The following MTHFD1L variants were observed in gnomAD, a reference collection of about 807,000 sequenced individuals.
MTHFD1L encodes monofunctional C1-tetrahydrofolate synthase, mitochondrial.
Under a neutral mutation model 119.5 loss-of-function variants are expected in MTHFD1L, and 81 were observed. That is an observed-to-expected ratio of 0.68 (90% CI 0.57 to 0.82). The LOEUF is 0.82. MTHFD1L is among the 40% of genes least tolerant of loss of function. MTHFD1L has a pLI of 0.00. For missense variants in MTHFD1L, 1,125 were observed against 1,253.4 expected (o/e 0.90, Z 1.55); for synonymous variants, 430 against 475.2 (o/e 0.90, Z 1.24).
intron 7 of MTHFD1L, among the ~76,000 whole-genome samples, chr6:150,889,550 AGT>A (rs1426044670): frequency 4.6e-5 from 7 of 152,364 alleles, no homozygotes; most frequent in Non-Finnish European, 7.3e-5. Context: ...GCCAATAATT[AGT>A]GTCTTATAAA....
Position 150,900,787 on chromosome 6 carries a change from G to A in MTHFD1L, c.781-4863G>A, listed in dbSNP as rs190812404. Among the ~76,000 whole-genome samples, 1,512 of 151,982 alleles carry A rather than the reference G, an allele frequency of 9.9e-3. 17 individuals are homozygous for A. The highest frequency in any genetic ancestry group is 0.016 in the Non-Finnish European group (1,070 of 67,924). On this transcript the variant is annotated intron_variant, in intron 7 of 27. Transcript: ENST00000367321. Reference sequence around the variant, plus strand: ...TCCCAGCTCTTTGGGAGGCTGAGGCGGGCAGATCACGAGGTCAGGAGATCG... The same window carrying A: ...TCCCAGCTCTTTGGGAGGCTGAGGCAGGCAGATCACGAGGTCAGGAGATCG...
At chr6:150,990,746 G>A (rs1479222093) in intron 20 of MTHFD1L, among the ~76,000 whole-genome samples, 1 of 152,218 alleles carries the variant, frequency 6.6e-6, no homozygotes, top group African/African-American at 2.4e-5. Context: ...ACAGGCATGA[G>A]CCACTGCACC....
intron 2 of MTHFD1L, 119 bp downstream of exon 2, chr6:150,876,293 G>T: frequency 1.2e-6 from 1 of 808,688 alleles, no homozygotes; most frequent in Non-Finnish European, 1.9e-6. Flanking sequence ...AGTTGGCAAT[G>T]CTGTTTTCTT....
At chr6:150,981,699 G>T (rs1777521659) in intron 20 of MTHFD1L, among the ~76,000 whole-genome samples, 1 of 152,152 alleles carries the variant, frequency 6.6e-6, no homozygotes, top group African/African-American at 2.4e-5. Context: ...AATGAGTCTG[G>T]CTGTGTTCCA....
chr6:151,004,340 A>T (rs1781084707), intron 20 of MTHFD1L, among the ~76,000 whole-genome samples: 1 of 152,178 alleles, frequency 6.6e-6, no homozygotes, highest in Non-Finnish European at 1.5e-5. Context: ...AAACAAAAAA[A>T]TCCAAGTCCT....
intron 1 of MTHFD1L, among the ~76,000 whole-genome samples, chr6:150,873,678 A>AT (rs552455378): frequency 1.5e-4 from 23 of 151,364 alleles, no homozygotes; most frequent in South Asian, 1.5e-3. Context: ...TGGAACTGTT[A>AT]TTTTTTTTGA....
At chr6:150,944,099 T>G (rs1793572301) in intron 13 of MTHFD1L, among the ~76,000 whole-genome samples, 1 of 152,220 alleles carries the variant, frequency 6.6e-6, no homozygotes, top group African/African-American at 2.4e-5. Context: ...TGACCTTGAT[T>G]TTCTGATTTA....
At chr6:150,927,404 T>A (rs1790195104) in intron 11 of MTHFD1L, among the ~76,000 whole-genome samples, 2 of 151,952 alleles carry the variant, frequency 1.3e-5, no homozygotes, top group Admixed American at 1.3e-4. Flanking sequence ...TATTGAGCTA[T>A]GTCACCATTT....
At chr6:151,008,984 T>A (rs1156912464) in intron 20 of MTHFD1L, among the ~76,000 whole-genome samples, 1 of 150,754 alleles carries the variant, frequency 6.6e-6, no homozygotes, top group Non-Finnish European at 1.5e-5. Context: ...TAGCCGGGTG[T>A]GGTGGTGGGT....
Position 151,014,943 on chromosome 6 carries a change from T to C in MTHFD1L, c.2371T>C (p.Phe791Leu), listed in dbSNP as rs1363341710. The C allele has an allele frequency of 6.2e-7, 1 of 1,614,124 alleles. No individual in the cohort carries two copies. The highest frequency in any genetic ancestry group is 1.1e-5 in the South Asian group (1 of 91,082). Residue 791 changes from phenylalanine (F) to leucine (L), a missense_variant, in exon 23 of 28, where the codon TTT becomes CTT. By Grantham distance (22) the Phe-to-Leu change is conservative. Around this residue, in one of 3 missense-constraint regions of MTHFD1L, gnomAD observed 1,058 missense variants for 1,151.2 expected, o/e 0.92. Coordinates refer to ENST00000367321, the MANE Select transcript of MTHFD1L (RefSeq NM_015440.5). The stretch of plus-strand genomic sequence containing the variant: ...GAAGCAAATTCAGATCACTCAGCTC[T>C]TTGGGGTTCCCGTTGTGGTGGCTCT... Reference protein sequence around the residue: ...LQKQIQITQLFGVPVVVALNV... With the variant: ...LQKQIQITQLLGVPVVVALNV...
At chr6:151,070,263 A>G (rs1047462750) in intron 26 of MTHFD1L, among the ~76,000 whole-genome samples, 1 of 152,200 alleles carries the variant, frequency 6.6e-6, no homozygotes, top group African/African-American at 2.4e-5. Flanking sequence ...ATGTCTTTCA[A>G]CCTGAGAGTT....
At chr6:151,006,209 G>A (rs530971) in intron 20 of MTHFD1L, among the ~76,000 whole-genome samples, 10,983 of 151,946 alleles carry the variant, frequency 0.072, 496 homozygotes, top group African/African-American at 0.11. Context: ...TGGGATGGGC[G>A]GGAGGAGTAG....
chr6:150,946,992 G>T (rs1298235084), intron 15 of MTHFD1L, among the ~76,000 whole-genome samples: 2 of 151,246 alleles, frequency 1.3e-5, no homozygotes, highest in Non-Finnish European at 2.9e-5. Context: ...GGAGAATGGC[G>T]TGAACCCAGG....
intron 9 of MTHFD1L, among the ~76,000 whole-genome samples, chr6:150,919,221 A>G (rs972190416): frequency 1.3e-5 from 2 of 151,544 alleles, no homozygotes; most frequent in African/African-American, 4.8e-5. Context: ...TAATTGGCTC[A>G]CGGTTCTTTT....
chr6:151,034,716 A>C, intron 25 of MTHFD1L, 116 bp downstream of exon 25: 1 of 702,246 alleles, frequency 1.4e-6, no homozygotes, highest in South Asian at 1.7e-5. Flanking sequence ...AATCTATTGT[A>C]TGGTTAACAA....
chr6:151,058,719 T>G (rs368433042), intron 26 of MTHFD1L, among the ~76,000 whole-genome samples: 1 of 152,222 alleles, frequency 6.6e-6, no homozygotes, highest in Non-Finnish European at 1.5e-5. Context: ...GTGAGTCTTG[T>G]GGACACGTGC....
intron 13 of MTHFD1L, among the ~76,000 whole-genome samples, chr6:150,939,970 C>G (rs1021973131): frequency 2.6e-5 from 4 of 152,016 alleles, no homozygotes; most frequent in Admixed American, 2.0e-4. Context: ...CAGGCGTGAG[C>G]CACTGTGCCC....
chr6:150,874,766 CT>C (rs758695006), intron 1 of MTHFD1L, among the ~76,000 whole-genome samples: 289 of 145,046 alleles, frequency 2.0e-3, no homozygotes, highest in Non-Finnish European at 1.9e-3. Context: ...GCTCCTAACA[CT>C]TTTTTTTTTT....
At chr6:151,095,167 T>A (rs1794798446) in intron 27 of MTHFD1L, among the ~76,000 whole-genome samples, 1 of 152,190 alleles carries the variant, frequency 6.6e-6, no homozygotes, top group Non-Finnish European at 1.5e-5. Flanking sequence ...AAAATAAAAC[T>A]CTAGAAAATG....
Sources: allele counts gnomAD v4.1 joint callset (sites outside exome capture counted in the v4.1 genomes callset), GRCh38; gene constraint gnomAD v4.1.1; regional missense constraint gnomAD v4.1.1; transcripts MANE v1.5; gene names NCBI Gene and HGNC (gene_info 2026-07-23, HGNC 2026-07-21).